Variants in ICAM5 observed in about 807,000 individuals in gnomAD.
ICAM5 encodes the protein ICAM-5.
A neutral mutation model predicts 78.8 loss-of-function variants in ICAM5; 38 were observed. That is an observed-to-expected ratio of 0.48 (90% CI 0.37 to 0.63). The LOEUF (loss-of-function observed/expected upper bound fraction) is 0.63, where lower values mean the gene tolerates loss of function less well. Ranked by LOEUF, ICAM5 falls within the 30% of genes least tolerant of loss-of-function variation. The pLI, the probability that ICAM5 is intolerant of heterozygous loss-of-function variation, is 0.00. For synonymous variants in ICAM5, 544 were observed against 590.9 expected (o/e 0.92, Z 1.15); for missense variants, 1,059 against 1,303.0 (o/e 0.81, Z 2.88).
Position 10,291,286 on chromosome 19 carries a change from C to A in ICAM5, c.297C>A (p.Cys99Ter). 2 of 1,612,556 alleles carry A rather than the reference C, an allele frequency of 1.2e-6. No homozygotes were observed. The highest frequency in any genetic ancestry group is 1.7e-6 in the Non-Finnish European group (2 of 1,179,848). ...DIREPETQPV[C>*]FFRCARRTLQ... ...GCGAGCCGGAGACTCAGCCCGTCTG[C>A]TTCTTCCGCTGCGCGCGGCGCACAC... The change falls in exon 2 of 11, where the codon TGC becomes TGA. Residue 99 changes from cysteine to a stop codon, truncating the protein, a stop_gained. Transcript: ENST00000221980. LOFTEE classifies it high-confidence loss of function.
In ICAM5 at chr19:10,293,707, C is replaced by T. The variant is rs1360199614; in HGVS notation, c.1475C>T (p.Ala492Val). ...ACACTCCCTCCTCCAGACGCACCAG[C>T]GCTGGACAGCGTGGGCTGCCCAGAA... ...DVTLTVEYAP[A>V]LDSVGCPERI... Residue 492 changes from alanine (A) to valine (V), a missense_variant, in exon 7 of 11, where the codon GCG becomes GTG. By Grantham distance (64) the Ala-to-Val change is moderately conservative. Coordinates refer to ENST00000221980, the MANE Select transcript of ICAM5 (RefSeq NM_003259.4). This position sits in a 1 kb window ranked among gnomAD's most constrained non-coding sequence, Gnocchi z 5.0. 5 of 1,613,670 alleles carry T rather than the reference C, an allele frequency of 3.1e-6. No homozygotes were observed. The highest frequency in any genetic ancestry group is 4.2e-6 in the Non-Finnish European group (5 of 1,179,930).
rs1198992825 is a variant in ICAM5, at chr19:10,294,198, C to T, written c.1870C>T (p.Pro624Ser). The T allele has an allele frequency of 3.1e-6, 5 of 1,613,910 alleles. No individual in the cohort carries two copies. In the Admixed American group the frequency reaches 8.3e-5, roughly 27 times the overall value. Residue 624 changes from proline (P) to serine (S), a missense_variant, in exon 8 of 11, where the codon CCC (proline) becomes TCC (serine). By Grantham distance (74) the Pro-to-Ser change is moderately conservative. Around this residue, in one of 3 missense-constraint regions of ICAM5, gnomAD observed 815 missense variants for 952.8 expected, o/e 0.86. Transcript: ENST00000221980. This position sits in a 1 kb window ranked among gnomAD's most constrained non-coding sequence, Gnocchi z 7.7. ...TGAGGGGGTGCTGCTGCCGCTGGCA[C>T]CCCCAGACCCTAGTCCCAGAGCTCC... is the stretch of plus-strand genomic sequence containing the variant. ...ATEGVLLPLA[P>S]PDPSPRAPRI...
rs370741150 is a variant in ICAM5, at chr19:10,291,024, A to G, written c.83-48A>G. 126 of 1,560,616 alleles carry G rather than the reference A, an allele frequency of 8.1e-5. 4 individuals are homozygous for G. The highest frequency in any genetic ancestry group is 6.7e-4 in the East Asian group (29 of 43,184). ...CTTGACTCGACATAGGGGCGCTAAG[A>G]TGTCAGGGAGTTGGCTCCCCAGGCT... On this transcript the variant is annotated intron_variant, in intron 1 of 10. Transcript: ENST00000221980.
rs1241554475 is a variant in ICAM5 at position 10,293,541 on chromosome 19, A to G, written c.1466-157A>G. Among the ~76,000 whole-genome samples the G allele has an allele frequency of 6.6e-6, 1 of 152,180 alleles. No homozygotes were observed. The highest frequency in any genetic ancestry group is 2.4e-5 in the African/African-American group (1 of 41,452). ...CTGGTGGCTCAGGAAGCTCCCAGAC[A>G]GAGTGCATGCCTCGACTAGCGTGAC... is the stretch of plus-strand genomic sequence containing the variant. On this transcript the variant is annotated intron_variant, in intron 6 of 10. Transcript: ENST00000221980. The surrounding 1 kb of genome is among the most constrained non-coding windows in gnomAD (Gnocchi z 5.0).
chr19:10,293,666 C>T lies in ICAM5; in HGVS notation c.1466-32C>T. On this transcript the variant is annotated intron_variant, in intron 6 of 10. Transcript: ENST00000221980. This position sits in a 1 kb window ranked among gnomAD's most constrained non-coding sequence, Gnocchi z 5.0. ...TAGGGACGTCAGATTTGCCCCCAAA[C>T]CCCAAAGCCAACAATACACTCCCTC... 1 of 1,603,064 alleles carries T rather than the reference C, an allele frequency of 6.2e-7. No individual in the cohort carries two copies. The highest frequency in any genetic ancestry group is 8.5e-7 in the Non-Finnish European group (1 of 1,172,696).
In ICAM5 at chr19:10,290,207, G is replaced by A. The variant is rs190411743; in HGVS notation, c.82+82G>A. On this transcript the variant is annotated intron_variant, in intron 1 of 10. Transcript: ENST00000221980. The surrounding 1 kb of genome is among the most constrained non-coding windows in gnomAD (Gnocchi z 5.7). ...GAGAAACGGCCTCCTGTCCCTCCCA[G>A]CTCTGCCCTCGCCTCGCTCCCACGC... The A allele has an allele frequency of 1.9e-6, 2 of 1,066,694 alleles. No individual in the cohort carries two copies. Among genetic ancestry groups the A allele is most frequent in the Non-Finnish European group, 2.6e-6 (2 of 767,232 alleles). 66.1% of individuals were successfully genotyped at this position (1,066,694 alleles called of 1,614,324 possible).
rs575493903 is a variant in ICAM5, at chr19:10,290,168, G to A, written c.82+43G>A. On this transcript the variant is annotated intron_variant, in intron 1 of 10. Coordinates refer to ENST00000221980, the MANE Select transcript of ICAM5 (RefSeq NM_003259.4). The surrounding 1 kb of genome is among the most constrained non-coding windows in gnomAD (Gnocchi z 5.7). ...GTTCGGGGTGGACAGGGCGGGGGCG[G>A]AGTCCCTGGACCTGAGAAACGGCCT... The A allele has an allele frequency of 2.0e-4, 288 of 1,410,954 alleles. 1 individual carries two copies. The East Asian group carries it at 7.6e-3, about 37-fold the overall frequency. The allele number at this position is 1,410,954 out of a possible 1,614,324, so 87.4% of individuals were successfully genotyped here.
chr19:10,293,335 G>A lies in ICAM5; in HGVS notation c.1465+89G>A. ...AGGGAAGAGTAGGAGTAGGGTATGA[G>A]GTGTCCCTTTGGGTGAGGTTTTGGG... On this transcript the variant is annotated intron_variant, in intron 6 of 10. Coordinates refer to ENST00000221980, the MANE Select transcript of ICAM5 (RefSeq NM_003259.4). This position sits in a 1 kb window ranked among gnomAD's most constrained non-coding sequence, Gnocchi z 5.0. 6.8e-7 allele frequency: 1 copy of A among 1,480,372 alleles called. No homozygotes were observed. The highest frequency in any genetic ancestry group is 9.1e-7 in the Non-Finnish European group (1 of 1,103,892). 91.7% of individuals were successfully genotyped at this position (1,480,372 alleles called of 1,614,324 possible). A position where few individuals can be genotyped will look rare whatever the true frequency, so the allele number is the denominator to read the frequency against.
intron 4 of ICAM5, 76 bp from the exon 5 acceptor site, chr19:10,292,536 C>A (rs1599279336): frequency 4.7e-6 from 7 of 1,502,374 alleles, no homozygotes; most frequent in Non-Finnish European, 5.4e-6. Flanking sequence ...CCCGAGGATT[C>A]GGGCAGATAA....
intron 2 of ICAM5, 31 bp downstream of exon 2, chr19:10,291,372 A>T (rs1210661614): frequency 1.2e-6 from 2 of 1,607,002 alleles, no homozygotes; most frequent in Non-Finnish European, 1.7e-6. Context: ...CGCGTACTCC[A>T]CTACTCTCCC....
rs2040192037 is a variant in ICAM5 at position 10,293,321 on chromosome 19, G to A, written c.1465+75G>A. ...GGTGGCCAGCCTCCAGGGAAGAGTA[G>A]GAGTAGGGTATGAGGTGTCCCTTTG... On this transcript the variant is annotated intron_variant, in intron 6 of 10. Coordinates refer to ENST00000221980, the MANE Select transcript of ICAM5 (RefSeq NM_003259.4). The surrounding 1 kb of genome is among the most constrained non-coding windows in gnomAD (Gnocchi z 5.0). 2.7e-6 allele frequency: 4 copies of A among 1,507,906 alleles called. No homozygotes were observed. Among genetic ancestry groups the A allele is most frequent in the Non-Finnish European group, 3.6e-6 (4 of 1,123,466 alleles). The allele number at this position is 1,507,906 out of a possible 1,614,324, so 93.4% of individuals were successfully genotyped here.
chr19:10,296,175 G>A (rs1039883689), intron 10 of ICAM5, among the ~76,000 whole-genome samples, 164 bp from the exon 11 acceptor site: 7 of 152,180 alleles, frequency 4.6e-5, no homozygotes, highest in Non-Finnish European at 7.4e-5. Flanking sequence ...GGTCGCCCTG[G>A]CACTGGGAGT....
At position 10,290,143 on chromosome 19, in the gene ICAM5, G is replaced by A. The variant is rs1478122918; in HGVS notation, c.82+18G>A. The A allele has an allele frequency of 6.7e-7, 1 of 1,500,650 alleles. No individual in the cohort carries two copies. The highest frequency in any genetic ancestry group is 1.3e-5 in the South Asian group (1 of 79,578). 93.0% of individuals were successfully genotyped at this position (1,500,650 alleles called of 1,614,324 possible). The stretch of plus-strand genomic sequence containing the variant: ...CCTCTCAGGTAAGAGCCCCGCTCTG[G>A]TTCGGGGTGGACAGGGCGGGGGCGG... On this transcript the variant is annotated intron_variant, in intron 1 of 10. Transcript: ENST00000221980. This position sits in a 1 kb window ranked among gnomAD's most constrained non-coding sequence, Gnocchi z 5.7.
At position 10,296,403 on chromosome 19, in the gene ICAM5, C is replaced by A; in HGVS notation, c.2562C>A (p.Ala854=). 2 of 1,276,774 alleles carry A rather than the reference C, an allele frequency of 1.6e-6. No homozygotes were observed. Among genetic ancestry groups the A allele is most frequent in the South Asian group, 5.5e-5 (2 of 36,458 alleles). 79.1% of individuals were successfully genotyped at this position (1,276,774 alleles called of 1,614,324 possible). A position where few individuals can be genotyped will look rare whatever the true frequency, so the allele number is the denominator to read the frequency against. Residue 854 remains alanine, a synonymous_variant, in exon 11 of 11, where the codon GCC becomes GCA. Transcript: ENST00000221980. ...AGGAALLAAG[A]GLAFYVQSTA... ...GCGCGGCGCTGCTGGCCGCGGGGGC[C>A]GGCCTGGCCTTCTACGTGCAGTCCA... is the stretch of plus-strand genomic sequence containing the variant.
chr19:10,294,331 C>G lies in ICAM5; in HGVS notation c.1990+13C>G. ...GTGAGCGCGGAGTGTGAGCGAGGCCCAGGCGGGTAGGGAGCAGGGGTGCCC... is the reference window on the plus strand; with the variant it reads ...GTGAGCGCGGAGTGTGAGCGAGGCCGAGGCGGGTAGGGAGCAGGGGTGCCC... On this transcript the variant is annotated intron_variant, in intron 8 of 10. Coordinates refer to ENST00000221980, the MANE Select transcript of ICAM5 (RefSeq NM_003259.4). This position sits in a 1 kb window ranked among gnomAD's most constrained non-coding sequence, Gnocchi z 7.7. 1 of 1,612,206 alleles carries G rather than the reference C, an allele frequency of 6.2e-7. No homozygotes were observed.
chr19:10,293,860 C>A lies in ICAM5; in HGVS notation c.1628C>A (p.Ala543Asp), dbSNP rs746261178. Reference sequence around the variant, plus strand: ...GTCATCGAGGGGCTGTTGCGTGTGGCCCGGGAGCATGCGGGCACTTACCGC... The same window carrying A: ...GTCATCGAGGGGCTGTTGCGTGTGGACCGGGAGCATGCGGGCACTTACCGC... ...GAVIEGLLRV[A>D]REHAGTYRCE... Residue 543 changes from alanine (A) to aspartate (D), a missense_variant, in exon 7 of 11, where the codon GCC becomes GAC. Physicochemically the swap from Ala to Asp is moderately radical, Grantham distance 126. Transcript: ENST00000221980. This position sits in a 1 kb window ranked among gnomAD's most constrained non-coding sequence, Gnocchi z 5.0. 2.5e-6 allele frequency: 4 copies of A among 1,611,954 alleles called. No homozygotes were observed. The highest frequency in any genetic ancestry group is 3.4e-6 in the Non-Finnish European group (4 of 1,180,010).
Position 10,296,327 on chromosome 19 carries a change from T to A in ICAM5, c.2498-12T>A. 8.1e-7 allele frequency: 1 copy of A among 1,232,136 alleles called. No individual in the cohort carries two copies. Among genetic ancestry groups the A allele is most frequent in the Non-Finnish European group, 1.0e-6 (1 of 980,390 alleles). The allele number at this position is 1,232,136 out of a possible 1,614,324, so 76.3% of individuals were successfully genotyped here. A position where few individuals can be genotyped will look rare whatever the true frequency, so the allele number is the denominator to read the frequency against. On this transcript the variant is annotated splice_polypyrimidine_tract_variant and intron_variant, in intron 10 of 10. Coordinates refer to ENST00000221980, the MANE Select transcript of ICAM5 (RefSeq NM_003259.4). ...AGCTTGGCCACCCTCCGCGAGGGTC[T>A]CCACCCCGCAGGTCCGTGGCTATGG...
rs2040222857 is a variant in ICAM5, at chr19:10,296,607, A to T, written c.2766A>T (p.Thr922=). The stretch of plus-strand genomic sequence containing the variant: ...GCGAGGTCTTCGCCATACAGCTGAC[A>T]TCGGCGTGAGCCCGCTCCCCTCTCC... ...AEGEVFAIQL[T]SA Residue 922 remains threonine, a synonymous_variant, in exon 11 of 11, where the codon ACA becomes ACT. Transcript: ENST00000221980. 2 of 1,212,198 alleles carry T rather than the reference A, an allele frequency of 1.6e-6. No homozygotes were observed. The highest frequency in any genetic ancestry group is 4.1e-5 in the South Asian group (1 of 24,192). The allele number at this position is 1,212,198 out of a possible 1,614,324, so 75.1% of individuals were successfully genotyped here. A position where few individuals can be genotyped will look rare whatever the true frequency, so the allele number is the denominator to read the frequency against.
At position 10,294,496 on chromosome 19, in the gene ICAM5, C is replaced by T; in HGVS notation, c.2086C>T (p.Pro696Ser). 6.2e-7 allele frequency: 1 copy of T among 1,607,294 alleles called. No homozygotes were observed. The highest frequency in any genetic ancestry group is 8.5e-7 in the Non-Finnish European group (1 of 1,175,944). ...GCTGGCCTGCGCCGCCCGGGGTCGC[C>T]CTTCCCCAGGAGTGCGCTGCTCTCG... ...SALACAARGR[P>S]SPGVRCSREG... Residue 696 changes from proline (P) to serine (S), a missense_variant, in exon 9 of 11, where the codon CCT (proline) becomes TCT (serine). Physicochemically the swap from Pro to Ser is moderately conservative, Grantham distance 74. Coordinates refer to ENST00000221980, the MANE Select transcript of ICAM5 (RefSeq NM_003259.4). This position sits in a 1 kb window ranked among gnomAD's most constrained non-coding sequence, Gnocchi z 7.7.
Sources: gnomAD v4.1 joint callset for allele counts (sites outside exome capture counted in the v4.1 genomes callset) on GRCh38, gnomAD v4.1.1 for gene constraint, gnomAD v4.1.1 regional missense constraint, Gnocchi (gnomAD v3.1) non-coding constraint, MANE v1.5 for transcripts, NCBI Gene and HGNC (gene_info 2026-07-23, HGNC 2026-07-21) for gene names.